The following TMEM45A variants were observed in gnomAD, a reference collection of about 807,000 sequenced individuals.
The protein encoded by TMEM45A is DNA polymerase-transactivated protein 4.
TMEM45A carries 25 observed loss-of-function variants against 32.0 expected under a neutral mutation model. The observed-to-expected ratio is 0.78, with a 90% CI of 0.57 to 1.09. TMEM45A has a LOEUF of 1.09. Ranked by LOEUF, TMEM45A falls within the 50% of genes least tolerant of loss-of-function variation. The probability of loss-of-function intolerance (pLI) is 0.00; values close to 1 mark genes in which losing one functional copy is unlikely to be tolerated. For missense variants in TMEM45A, 302 were observed against 325.0 expected (o/e 0.93, Z 0.54); for synonymous variants, 122 against 114.8 (o/e 1.06, Z -0.40).
intron 1 of TMEM45A, among the ~76,000 whole-genome samples, 192 bp downstream of exon 1, chr3:100,493,120 C>CTTTTTTTTTTTTTTTTTTTTTTTTTTT (rs570241165): frequency 8.6e-6 from 1 of 115,918 alleles, no homozygotes; most frequent in African/African-American, 3.4e-5. Flanking sequence ...GTTTGCTATT[C>CTTTTTTTTTTTTTTTTTTTTTTTTTTT]TTTTTTTTTT....
intron 1 of TMEM45A, among the ~76,000 whole-genome samples, chr3:100,513,860 T>A (rs1478723015): frequency 6.6e-6 from 1 of 152,042 alleles, no homozygotes; most frequent in Non-Finnish European, 1.5e-5. Flanking sequence ...AAATCATGAA[T>A]TAACTCCCAT....
At chr3:100,571,375 CCAA>C (rs1412706697) in intron 5 of TMEM45A, 2 of 149,120 alleles carry the variant, frequency 1.3e-5, no homozygotes, top group African/African-American at 5.0e-5. Flanking sequence ...ATTTTTTTTG[CCAA>C]CAAGTATTGT....
intron 1 of TMEM45A, among the ~76,000 whole-genome samples, chr3:100,539,129 C>T (rs1326690806): frequency 1.3e-5 from 2 of 152,052 alleles, no homozygotes; most frequent in East Asian, 3.8e-4. Context: ...ACAAAGGACC[C>T]AGAATACGCC....
rs752348050 is a variant in TMEM45A at position 100,568,842 on chromosome 3, C to G, written c.609C>G (p.Pro203=). The change falls in exon 5 of 6, where the codon CCC becomes CCG. Residue 203 remains proline (P), a synonymous_variant. Transcript: ENST00000323523. The part of the protein sequence containing the change: ...WFFQIGFVLY[P]PSGGPAWDLM... ...TACAGATTGGATTTGTCCTGTATCC[C>G]CCCAGTGGAGGTCCTGCATGGGATC... is the stretch of plus-strand genomic sequence containing the variant. 1.2e-6 allele frequency: 2 copies of G among 1,612,568 alleles called. No individual in the cohort carries two copies. Among genetic ancestry groups the G allele is most frequent in the African/African-American group, 1.3e-5 (1 of 74,870 alleles).
At chr3:100,502,484 T>TG (rs1708020112) in intron 1 of TMEM45A, among the ~76,000 whole-genome samples, 1 of 152,128 alleles carries the variant, frequency 6.6e-6, no homozygotes, top group South Asian at 2.1e-4. Context: ...ATTTTTTTTT[T>TG]GAGACAGGGT....
At chr3:100,517,756 G>A (rs1251776074) in intron 1 of TMEM45A, among the ~76,000 whole-genome samples, 1 of 152,168 alleles carries the variant, frequency 6.6e-6, no homozygotes, top group Non-Finnish European at 1.5e-5. Context: ...TTGTTTCTGG[G>A]GTTCTCTGTG....
chr3:100,574,404 A>C (rs1159765328), intron 5 of TMEM45A: 1 of 152,248 alleles, frequency 6.6e-6, no homozygotes, highest in Non-Finnish European at 1.5e-5. Context: ...ATCCTGAAGA[A>C]ATGGATAAAT....
intron 4 of TMEM45A, among the ~76,000 whole-genome samples, chr3:100,564,531 A>G (rs901412966): frequency 8.6e-5 from 13 of 150,420 alleles, no homozygotes; most frequent in Non-Finnish European, 1.9e-4. Flanking sequence ...GCTGTGGGCC[A>G]GGAGTGCAGT....
At chr3:100,520,599 C>T (rs1400651262) in intron 1 of TMEM45A, among the ~76,000 whole-genome samples, 1 of 152,116 alleles carries the variant, frequency 6.6e-6, no homozygotes, top group East Asian at 1.9e-4. Context: ...CTCTCTAGCC[C>T]CTCTTGTACG....
At chr3:100,509,853 C>G (rs1207864696) in intron 1 of TMEM45A, among the ~76,000 whole-genome samples, 1 of 151,804 alleles carries the variant, frequency 6.6e-6, no homozygotes, top group Admixed American at 6.6e-5. Context: ...AAGAAAGGGG[C>G]GACAGACGGC....
In TMEM45A at chr3:100,555,199, A is replaced by G. The variant is rs780690353; in HGVS notation, c.-3-10A>G. ...TGTCTTTTACTTTCTGTGTGTTCTT[A>G]TATTTGTAGATCATGGGGAATTTCA... On this transcript the variant is annotated splice_polypyrimidine_tract_variant and intron_variant, in intron 1 of 5. Coordinates refer to ENST00000323523, the MANE Select transcript of TMEM45A (RefSeq NM_018004.3). 88 of 1,583,766 alleles carry G rather than the reference A, an allele frequency of 5.6e-5. No homozygotes were observed. The highest frequency in any genetic ancestry group is 7.2e-5 in the Non-Finnish European group (84 of 1,166,348).
intron 1 of TMEM45A, among the ~76,000 whole-genome samples, chr3:100,508,113 A>G (rs987660475): frequency 3.9e-5 from 6 of 151,976 alleles, no homozygotes; most frequent in Non-Finnish European, 7.4e-5. Context: ...AAGGGAAGGG[A>G]GAGAGCCCCA....
At chr3:100,519,768 A>G (rs1705399996) in intron 1 of TMEM45A, among the ~76,000 whole-genome samples, 1 of 152,232 alleles carries the variant, frequency 6.6e-6, no homozygotes, top group Non-Finnish European at 1.5e-5. Context: ...CAAAGTTAAT[A>G]CTAGCCTAAT....
chr3:100,500,387 C>T (rs1576254723), intron 1 of TMEM45A, among the ~76,000 whole-genome samples: 1 of 151,844 alleles, frequency 6.6e-6, no homozygotes, highest in African/African-American at 2.4e-5. Flanking sequence ...TTCTATAACA[C>T]GTAACAGTGG....
At chr3:100,528,200 T>A (rs954610565) in intron 1 of TMEM45A, among the ~76,000 whole-genome samples, 74 of 152,272 alleles carry the variant, frequency 4.9e-4, no homozygotes, top group African/African-American at 1.8e-3. Context: ...ACTAAAAACA[T>A]GGGTTGTATT....
chr3:100,508,381 G>A (rs564341014), intron 1 of TMEM45A, among the ~76,000 whole-genome samples: 3 of 152,134 alleles, frequency 2.0e-5, no homozygotes, highest in African/African-American at 7.2e-5. Flanking sequence ...TATCCCTGGA[G>A]CCCCACTGAC....
intron 1 of TMEM45A, among the ~76,000 whole-genome samples, chr3:100,496,888 G>A (rs530868860): frequency 6.6e-6 from 1 of 152,308 alleles, no homozygotes; most frequent in African/African-American, 2.4e-5. Flanking sequence ...GGGAAAATGG[G>A]TCAGATGCCA....
intron 5 of TMEM45A, 132 bp downstream of exon 5, chr3:100,569,099 G>A: frequency 1.1e-6 from 1 of 932,922 alleles, no homozygotes; most frequent in Non-Finnish European, 1.6e-6. Flanking sequence ...TAGCATAGCA[G>A]AACATTATCT....
rs755848570 is a variant in TMEM45A, at chr3:100,492,755, T to TCCACCCC, written c.-175_-174insACCCCCC. ...CGACTAGGGACCCAAGTTTAAAAAT[T>TCCACCCC]CCTCCCCCCACCCAATGCGAGACGT... On this transcript the variant is annotated 5_prime_UTR_variant, in exon 1 of 6. Coordinates refer to ENST00000323523, the MANE Select transcript of TMEM45A (RefSeq NM_018004.3). 1 of 143,526 alleles carries TCCACCCC rather than the reference T, an allele frequency of 7.0e-6. No homozygotes were observed. Among genetic ancestry groups the TCCACCCC allele is most frequent in the African/African-American group, 2.7e-5 (1 of 36,840 alleles). 8.9% of individuals were successfully genotyped at this position (143,526 alleles called of 1,614,324 possible).
Sources: gnomAD v4.1 joint callset for allele counts (sites outside exome capture counted in the v4.1 genomes callset) on GRCh38, gnomAD v4.1.1 for gene constraint, MANE v1.5 for transcripts, NCBI Gene and HGNC (gene_info 2026-07-23, HGNC 2026-07-21) for gene names.